Variants in SCML4 observed in about 807,000 individuals in gnomAD.
SCML4 encodes sex comb on midleg-like protein 4.
Under a neutral mutation model 41.1 loss-of-function variants are expected in SCML4, and 34 were observed. The observed-to-expected ratio is 0.83, with a 90% confidence interval of 0.63 to 1.10. The LOEUF (loss-of-function observed/expected upper bound fraction) is 1.10, where lower values mean the gene tolerates loss of function less well. Among genes scored for constraint, SCML4 ranks in the 50% least tolerant of loss-of-function variants. SCML4 has a pLI of 0.00. For missense variants in SCML4, 522 were observed against 534.1 expected, an observed-to-expected ratio of 0.98 and a Z score of 0.22; for synonymous variants, 214 against 220.9, an observed-to-expected ratio of 0.97 and a Z score of 0.28.
At chr6:107,741,897 G>A (rs1035320915) in intron 5 of SCML4, among the ~76,000 whole-genome samples, 2 of 152,102 alleles carry the variant, frequency 1.3e-5, no homozygotes, top group Non-Finnish European at 2.9e-5. Context: ...AAGAAACAAC[G>A]GCTGACAGGA....
At chr6:107,826,638 C>T (rs1385970366), upstream of SCML4, among the ~76,000 whole-genome samples, 1 of 152,236 alleles carries the variant, frequency 6.6e-6, no homozygotes, top group Non-Finnish European at 1.5e-5. Flanking sequence ...CACTCTGATC[C>T]TCAGGCCCAA....
intron 3 of SCML4, among the ~76,000 whole-genome samples, chr6:107,748,042 T>A (rs377274722): frequency 3.3e-4 from 50 of 152,284 alleles, no homozygotes; most frequent in African/African-American, 1.2e-3. Flanking sequence ...GCCGACCTCT[T>A]GAGAAAAAAA....
upstream of SCML4, among the ~76,000 whole-genome samples, chr6:107,827,018 A>C (rs957893573): frequency 1.1e-4 from 17 of 151,778 alleles, no homozygotes; most frequent in South Asian, 4.1e-4. Context: ...AGCCGAGATC[A>C]CGCCACTGCA....
the SCML4 span, among the ~76,000 whole-genome samples, chr6:107,835,422 T>C: frequency 6.6e-6 from 1 of 151,590 alleles, no homozygotes; most frequent in Non-Finnish European, 1.5e-5. Flanking sequence ...CATTAAAAGA[T>C]AAAAGAGAAT....
intron 2 of SCML4, among the ~76,000 whole-genome samples, chr6:107,768,745 GTATGAT>G (rs1480543658): frequency 1.3e-5 from 2 of 152,188 alleles, no homozygotes; most frequent in Non-Finnish European, 2.9e-5. Flanking sequence ...TAAATATTTT[GTATGAT>G]TATGATTGCT....
intron 1 of SCML4, among the ~76,000 whole-genome samples, chr6:107,817,395 T>C (rs1784618892): frequency 1.3e-5 from 2 of 152,074 alleles, no homozygotes; most frequent in African/African-American, 4.8e-5. Context: ...GGTGGGCAGA[T>C]CACCTAACGT....
At chr6:107,799,122 A>G (rs925978553) in intron 1 of SCML4, among the ~76,000 whole-genome samples, 13 of 152,178 alleles carry the variant, frequency 8.5e-5, no homozygotes, top group African/African-American at 2.9e-4. Context: ...CCTTGTAAGT[A>G]TTTCAGTTGT....
At chr6:107,744,909 G>A (rs1265012162) in intron 5 of SCML4, 40 bp downstream of exon 5, 2 of 1,480,680 alleles carry the variant, frequency 1.4e-6, no homozygotes, top group African/African-American at 2.8e-5. Context: ...CTGGGACAGG[G>A]AGGTGTCCCT....
chr6:107,739,989 A>T, intron 5 of SCML4: 1 of 381,418 alleles, frequency 2.6e-6, no homozygotes, highest in Middle Eastern at 6.0e-4. Context: ...AATCAGTGCC[A>T]CAAGGTTGGA....
intron 2 of SCML4, among the ~76,000 whole-genome samples, chr6:107,766,427 A>G (rs1041442955): frequency 9.9e-5 from 15 of 152,044 alleles, no homozygotes; most frequent in African/African-American, 2.9e-4. Flanking sequence ...GCTCCTGAAT[A>G]ACCACTGCAC....
chr6:107,713,257 A>G (rs1774401723), intron 6 of SCML4, among the ~76,000 whole-genome samples: 1 of 152,224 alleles, frequency 6.6e-6, no homozygotes. Context: ...CTAACAACAG[A>G]GTCATGTGGA....
intron 3 of SCML4, among the ~76,000 whole-genome samples, chr6:107,748,315 G>T (rs1037228783): frequency 5.3e-5 from 8 of 152,196 alleles, no homozygotes; most frequent in South Asian, 2.1e-4. Context: ...GCAAAGGAGT[G>T]CTGAAGAGGG....
chr6:107,835,247 G>C, the SCML4 span, among the ~76,000 whole-genome samples: 2 of 152,014 alleles, frequency 1.3e-5, no homozygotes, highest in African/African-American at 4.8e-5. Context: ...TGTAGTCCCA[G>C]CTATTCAGCA....
chr6:107,794,561 ATG>A (rs758358193), intron 1 of SCML4, among the ~76,000 whole-genome samples: 15 of 152,114 alleles, frequency 9.9e-5, no homozygotes, highest in Non-Finnish European at 1.9e-4. Flanking sequence ...ACGTATGTAT[ATG>A]TGTGTGTGTC....
chr6:107,808,561 C>T (rs574513714), intron 1 of SCML4, among the ~76,000 whole-genome samples: 2 of 152,250 alleles, frequency 1.3e-5, no homozygotes, highest in East Asian at 3.9e-4. Context: ...CATGAACCAC[C>T]ATGCCCAGCC....
chr6:107,804,050 A>C (rs1328502152), intron 1 of SCML4, among the ~76,000 whole-genome samples: 14 of 102,208 alleles, frequency 1.4e-4, no homozygotes, highest in Non-Finnish European at 2.1e-4. Context: ...GATCAATAAC[A>C]AAAAAAAAAA....
rs1009597982 is a variant in SCML4 at position 107,705,128 on chromosome 6, G to A, written c.*72C>T. On this transcript the variant is annotated 3_prime_UTR_variant, in exon 8 of 8. Coordinates refer to ENST00000369020, the MANE Select transcript of SCML4 (RefSeq NM_198081.5). The stretch of plus-strand genomic sequence containing the variant: ...GGAGAGTCTAGTTTGTGATGTTGGC[G>A]GGATATTGGTAAGGCAGAAGATAAT... The A allele has an allele frequency of 6.0e-6, 8 of 1,338,522 alleles. No individual in the cohort carries two copies. The highest frequency in any genetic ancestry group is 3.9e-5 in the Admixed American group (2 of 50,640). The allele number at this position is 1,338,522 out of a possible 1,614,324, so 82.9% of individuals were successfully genotyped here.
chr6:107,802,674 C>CTCTCCCTCT, intron 1 of SCML4, among the ~76,000 whole-genome samples: 1 of 2,404 alleles, frequency 4.2e-4, no homozygotes, highest in African/African-American at 4.9e-4. Flanking sequence ...CCTCTCCCTC[C>CTCTCCCTCT]TCTCCCTCTC....
intron 2 of SCML4, 108 bp downstream of exon 2, chr6:107,772,064 G>T: frequency 2.1e-6 from 2 of 941,282 alleles, no homozygotes; most frequent in Non-Finnish European, 3.0e-6. Context: ...TTCTCATCCT[G>T]TCTCTACCAA....
Sources: gnomAD v4.1 joint callset for allele counts (sites outside exome capture counted in the v4.1 genomes callset) on GRCh38, gnomAD v4.1.1 for gene constraint, MANE v1.5 for transcripts, NCBI Gene and HGNC (gene_info 2026-07-23, HGNC 2026-07-21) for gene names.